The following CSMD3 variants were observed in gnomAD, a reference collection of about 807,000 sequenced individuals.
The protein encoded by CSMD3 is CUB and Sushi multiple domains 3, also known as CUB and sushi domain-containing protein 3.
CSMD3 carries 177 observed loss-of-function variants against 435.2 expected under a neutral mutation model. The observed-to-expected ratio is 0.41, with a 90% confidence interval of 0.36 to 0.46. CSMD3 has a LOEUF of 0.46. Among genes scored for constraint, CSMD3 ranks in the 20% least tolerant of loss-of-function variants. The pLI, the probability that CSMD3 is intolerant of heterozygous loss-of-function variation, is 0.34. For missense variants in CSMD3, 4,265 were observed against 4,504.6 expected (o/e 0.95, Z 1.52); for synonymous variants, 1,656 against 1,520.5 (o/e 1.09, Z -2.07).
At chr8:112,888,902 A>G (rs913403135) in intron 10 of CSMD3, among the ~76,000 whole-genome samples, 4 of 151,656 alleles carry the variant, frequency 2.6e-5, no homozygotes, top group African/African-American at 7.3e-5. Flanking sequence ...ATAAGAGATG[A>G]GGCCAAGAGG....
At position 112,602,097 on chromosome 8, in the gene CSMD3, G is replaced by A. The variant is rs529346515; in HGVS notation, c.3716-14862C>T. Among the ~76,000 whole-genome samples, 27 of 152,258 alleles carry A rather than the reference G, an allele frequency of 1.8e-4. No homozygotes were observed. In the South Asian group the frequency reaches 3.3e-3, roughly 19 times the overall value. On this transcript the variant is annotated intron_variant, in intron 22 of 70. Coordinates refer to ENST00000297405, the MANE Select transcript of CSMD3 (RefSeq NM_198123.2). The stretch of plus-strand genomic sequence containing the variant: ...CAATTTTTAATGAAATGATAAGGAA[G>A]CAAATAAGCCAAACATTCTTAAATA...
intron 32 of CSMD3, among the ~76,000 whole-genome samples, chr8:112,427,957 T>C (rs981612477): frequency 6.6e-6 from 1 of 152,122 alleles, no homozygotes; most frequent in East Asian, 1.9e-4. Flanking sequence ...AAAATGCAAA[T>C]ATGATCATGT....
rs1481441527 is a variant in CSMD3 at position 113,386,664 on chromosome 8, T to A, written c.178+50013A>T. Among the ~76,000 whole-genome samples the A allele has an allele frequency of 2.0e-5, 3 of 151,722 alleles. No individual in the cohort carries two copies. The East Asian group carries it at 5.8e-4, about 29-fold the overall frequency. On this transcript the variant is annotated intron_variant, in intron 1 of 70. Transcript: ENST00000297405. ...CCCAAAGCAACAAATGGGGACTCAA[T>A]GGCAATCATAGCAATTAGACTACAT...
At chr8:113,307,195 A>C (rs984369289) in intron 2 of CSMD3, among the ~76,000 whole-genome samples, 3 of 152,100 alleles carry the variant, frequency 2.0e-5, no homozygotes, top group Admixed American at 2.0e-4. Context: ...TCTGGAAAAA[A>C]CTTAGTTTAT....
chr8:113,213,302 C>A (rs185722779), intron 3 of CSMD3, among the ~76,000 whole-genome samples: 1 of 151,954 alleles, frequency 6.6e-6, no homozygotes, highest in African/African-American at 2.4e-5. Flanking sequence ...CAGAGAGAAG[C>A]CTTTAAATTT....
chr8:112,320,989 A>G (rs1450702278), intron 45 of CSMD3, among the ~76,000 whole-genome samples: 1 of 152,134 alleles, frequency 6.6e-6, no homozygotes, highest in Admixed American at 6.6e-5. Flanking sequence ...ACCACGACAA[A>G]GTCTCTATGA....
chr8:113,399,106 T>TATATATATATACACACACAC (rs773585004), intron 1 of CSMD3, among the ~76,000 whole-genome samples: 27 of 95,056 alleles, frequency 2.8e-4, no homozygotes, highest in African/African-American at 1.2e-3. Context: ...TATATATATA[T>TATATATATATACACACACAC]ACACACACAC....
At chr8:112,809,870 C>T (rs1418947022) in intron 12 of CSMD3, among the ~76,000 whole-genome samples, 2 of 152,178 alleles carry the variant, frequency 1.3e-5, no homozygotes, top group Non-Finnish European at 2.9e-5. Flanking sequence ...TCTCAAGAAC[C>T]TCCAAGCCAT....
intron 5 of CSMD3, among the ~76,000 whole-genome samples, chr8:113,062,520 T>C (rs1463434356): frequency 1.3e-5 from 2 of 151,874 alleles, no homozygotes; most frequent in Admixed American, 6.6e-5. Context: ...AAATTGTTGG[T>C]TTCTACAATA....
At chr8:113,271,750 G>A (rs1242962918) in intron 3 of CSMD3, among the ~76,000 whole-genome samples, 3 of 152,058 alleles carry the variant, frequency 2.0e-5, no homozygotes, top group Admixed American at 1.3e-4. Context: ...GTGAGAAGAG[G>A]GCCACCATCA....
chr8:112,311,470 C>T (rs1821972566), intron 49 of CSMD3, among the ~76,000 whole-genome samples: 1 of 152,162 alleles, frequency 6.6e-6, no homozygotes, highest in Non-Finnish European at 1.5e-5. Flanking sequence ...AAATATCTAA[C>T]TGAATTTTGG....
chr8:112,389,633 A>G (rs1830251297), intron 36 of CSMD3, among the ~76,000 whole-genome samples: 1 of 152,192 alleles, frequency 6.6e-6, no homozygotes, highest in African/African-American at 2.4e-5. Context: ...TTTTTTTACT[A>G]AAAATTATGC....
rs1432918844 is a variant in CSMD3 at position 112,573,727 on chromosome 8, C to G, written c.3886-70G>C. 6 of 1,248,296 alleles carry G rather than the reference C, an allele frequency of 4.8e-6. No homozygotes were observed. In the East Asian group the frequency reaches 1.5e-4, roughly 31 times the overall value. The allele number at this position is 1,248,296 out of a possible 1,614,324, so 77.3% of individuals were successfully genotyped here. A position where few individuals can be genotyped will look rare whatever the true frequency, so the allele number is the denominator to read the frequency against. ...ATCAATTCAGAGCATGTATTTGTAT[C>G]TATGAAAAAGAGAAAAGTGTACTTT... On this transcript the variant is annotated intron_variant, in intron 23 of 70. Coordinates refer to ENST00000297405, the MANE Select transcript of CSMD3 (RefSeq NM_198123.2).
chr8:112,270,807 A>G (rs941134275), intron 59 of CSMD3, among the ~76,000 whole-genome samples: 1 of 152,134 alleles, frequency 6.6e-6, no homozygotes, highest in Non-Finnish European at 1.5e-5. Flanking sequence ...TAAGTGCCCA[A>G]AGATAACTAG....
intron 22 of CSMD3, among the ~76,000 whole-genome samples, chr8:112,619,835 G>A (rs1251281192): frequency 6.6e-6 from 1 of 151,894 alleles, no homozygotes; most frequent in Non-Finnish European, 1.5e-5. Context: ...TTTCGATCAT[G>A]TGATCAAACA....
chr8:113,191,252 T>A (rs1005257371), intron 3 of CSMD3, among the ~76,000 whole-genome samples: 2 of 151,774 alleles, frequency 1.3e-5, no homozygotes, highest in African/African-American at 4.8e-5. Context: ...TTTTCAACTT[T>A]TATGCTGGAT....
intron 5 of CSMD3, among the ~76,000 whole-genome samples, chr8:113,073,838 C>A (rs2089232483): frequency 1.3e-5 from 2 of 151,704 alleles, no homozygotes; most frequent in African/African-American, 4.8e-5. Flanking sequence ...CTATGTTCCC[C>A]AGTCTTGTCA....
chr8:112,576,993 T>C (rs981422609), intron 23 of CSMD3, among the ~76,000 whole-genome samples: 1 of 152,090 alleles, frequency 6.6e-6, no homozygotes, highest in Non-Finnish European at 1.5e-5. Context: ...CAAAATCTGC[T>C]AACTACAATT....
intron 13 of CSMD3, among the ~76,000 whole-genome samples, chr8:112,747,986 A>C (rs1004064576): frequency 2.7e-5 from 4 of 148,042 alleles, no homozygotes; most frequent in African/African-American, 7.4e-5. Flanking sequence ...AAAAAAAAAA[A>C]CAGGCATCAG....
Sources: allele counts gnomAD v4.1 joint callset (sites outside exome capture counted in the v4.1 genomes callset), GRCh38; gene constraint gnomAD v4.1.1; transcripts MANE v1.5; gene names NCBI Gene and HGNC (gene_info 2026-07-23, HGNC 2026-07-21).